RBMS3: variants seen among roughly 807,000 people sequenced by gnomAD.
The protein encoded by RBMS3 is RNA binding motif single stranded interacting protein 3, also known as RNA-binding motif, single-stranded-interacting protein 3.
A neutral mutation model predicts 66.8 loss-of-function variants in RBMS3; 27 were observed. The observed-to-expected ratio is 0.40, with a 90% confidence interval of 0.30 to 0.56. The LOEUF (loss-of-function observed/expected upper bound fraction) is 0.56. Ranked by LOEUF, RBMS3 falls within the 20% of genes least tolerant of loss-of-function variation. The pLI is 0.40. For missense variants in RBMS3, 513 were observed against 549.5 expected (o/e 0.93, Z 0.66); for synonymous variants, 188 against 183.0 (o/e 1.03, Z -0.22).
At position 29,383,636 on chromosome 3, in the gene RBMS3, C is replaced by T. The variant is rs115021749; in HGVS notation, c.76-51107C>T. 3.3e-3 allele frequency among the ~76,000 whole-genome samples: 507 copies of T among 152,276 alleles called. 1 individual carries two copies. Among genetic ancestry groups the T allele is most frequent in the Middle Eastern group, 0.02 (6 of 294 alleles). ...TGTAAAATATCCAGTTCCATACTAA[C>T]TTATGAACTCTTTTAGGTCATTCAT... On this transcript the variant is annotated intron_variant, in intron 1 of 14. Coordinates refer to ENST00000383767, the MANE Select transcript of RBMS3 (RefSeq NM_001003793.3).
chr3:29,536,732 G>T (rs886217774), intron 3 of RBMS3, among the ~76,000 whole-genome samples: 2 of 152,180 alleles, frequency 1.3e-5, no homozygotes, highest in African/African-American at 4.8e-5. Context: ...TAATTGTTTT[G>T]CTGTGATGCT....
At position 29,802,942 on chromosome 3, in the gene RBMS3, T is replaced by G. The variant is rs535339960; in HGVS notation, c.637+39953T>G. The stretch of plus-strand genomic sequence containing the variant: ...TGGTGAATACTAAAAACACAGACTC[T>G]TGATCGAGGTGAGGGAGTTGGAAGA... On this transcript the variant is annotated intron_variant, in intron 6 of 14. Coordinates refer to ENST00000383767, the MANE Select transcript of RBMS3 (RefSeq NM_001003793.3). Among the ~76,000 whole-genome samples the G allele has an allele frequency of 2.6e-5, 4 of 152,278 alleles. No individual in the cohort carries two copies. In the East Asian group the frequency reaches 5.8e-4, roughly 22 times the overall value.
intron 4 of RBMS3, among the ~76,000 whole-genome samples, chr3:29,704,253 C>T (rs1467946306): frequency 6.6e-6 from 1 of 152,200 alleles, no homozygotes; most frequent in East Asian, 1.9e-4. Flanking sequence ...CAAAACTGGT[C>T]CCTGGTGCCG....
chr3:29,489,029 G>A (rs1033349118), intron 3 of RBMS3, among the ~76,000 whole-genome samples: 3 of 152,118 alleles, frequency 2.0e-5, no homozygotes, highest in Non-Finnish European at 4.4e-5. Context: ...TGAAGTCATT[G>A]GACTATATCT....
chr3:29,747,393 GATA>G (rs1576684166), intron 5 of RBMS3, among the ~76,000 whole-genome samples: 494 of 8,642 alleles, frequency 0.057, 6 homozygotes, highest in Middle Eastern at 0.12. Flanking sequence ...TAGGTAGGTA[GATA>G]GATAGATAGA....
At chr3:29,853,133 G>C (rs2058978343) in intron 6 of RBMS3, among the ~76,000 whole-genome samples, 1 of 152,076 alleles carries the variant, frequency 6.6e-6, no homozygotes. Flanking sequence ...ACATAGAGAG[G>C]AACAACACAC....
At chr3:29,734,020 A>G (rs932496920) in intron 4 of RBMS3, among the ~76,000 whole-genome samples, 1 of 152,086 alleles carries the variant, frequency 6.6e-6, no homozygotes, top group African/African-American at 2.4e-5. Flanking sequence ...ATGTGTACAC[A>G]CACACCCACA....
At chr3:29,773,503 G>A (rs2056299891) in intron 6 of RBMS3, among the ~76,000 whole-genome samples, 2 of 152,000 alleles carry the variant, frequency 1.3e-5, no homozygotes, top group Non-Finnish European at 2.9e-5. Context: ...GACACATTTT[G>A]GACCAGAGGT....
intron 6 of RBMS3, among the ~76,000 whole-genome samples, chr3:29,771,114 G>T (rs1372197337): frequency 1.3e-5 from 2 of 152,012 alleles, no homozygotes; most frequent in African/African-American, 4.8e-5. Flanking sequence ...CTCTGAACTA[G>T]CCATTATGTG....
chr3:29,797,996 G>A (rs923621974), intron 6 of RBMS3, among the ~76,000 whole-genome samples: 1 of 151,812 alleles, frequency 6.6e-6, no homozygotes, highest in Non-Finnish European at 1.5e-5. Flanking sequence ...CAATATTGTT[G>A]TATCTCAGGA....
At position 29,896,029 on chromosome 3, in the gene RBMS3, G is replaced by A. The variant is rs548855842; in HGVS notation, c.792-1350G>A. 7.9e-5 allele frequency among the ~76,000 whole-genome samples: 12 copies of A among 151,464 alleles called. 1 individual carries two copies. In the South Asian group the frequency reaches 2.5e-3, roughly 31 times the overall value. ...TGAGTATGGATAGTAAGAATGTAATGTATGATGGGATAATTTTTTTCATCC... is the reference window on the plus strand; with the variant it reads ...TGAGTATGGATAGTAAGAATGTAATATATGATGGGATAATTTTTTTCATCC... On this transcript the variant is annotated intron_variant, in intron 8 of 14. Coordinates refer to ENST00000383767, the MANE Select transcript of RBMS3 (RefSeq NM_001003793.3).
chr3:29,691,947 C>CTCTCTCTCTCTTTTTTTTTTTTT lies in RBMS3; in HGVS notation c.400-47772_400-47771insCTCTCTCTCTTTTTTTTTTTTTT, dbSNP rs1218393454. Among the ~76,000 whole-genome samples the CTCTCTCTCTCTTTTTTTTTTTTT allele has an allele frequency of 3.4e-4, 18 of 53,510 alleles. 1 individual carries two copies. Among genetic ancestry groups the CTCTCTCTCTCTTTTTTTTTTTTT allele is most frequent in the South Asian group, 5.9e-4 (1 of 1,690 alleles). 35.1% of individuals were successfully genotyped at this position (53,510 alleles called of 152,430 possible). A position where few individuals can be genotyped will look rare whatever the true frequency, so the allele number is the denominator to read the frequency against. On this transcript the variant is annotated intron_variant, in intron 4 of 14. Coordinates refer to ENST00000383767, the MANE Select transcript of RBMS3 (RefSeq NM_001003793.3). ...GTGTGACCCTTCTCTCTCTCTCTCT[C>CTCTCTCTCTCTTTTTTTTTTTTT]TATTTTTTTTTTTTTTTTTTGAGAT...
intron 7 of RBMS3, among the ~76,000 whole-genome samples, chr3:29,869,924 G>A (rs894100423): frequency 6.6e-6 from 1 of 152,102 alleles, no homozygotes; most frequent in Non-Finnish European, 1.5e-5. Context: ...AAAGAAGAAA[G>A]GAAGCTGGAA....
At chr3:29,495,420 T>G (rs2043706913) in intron 3 of RBMS3, among the ~76,000 whole-genome samples, 1 of 144,670 alleles carries the variant, frequency 6.9e-6, no homozygotes, top group African/African-American at 2.5e-5. Context: ...TTTCTTTCTT[T>G]TTTTTTTTTT....
chr3:29,317,203 G>C (rs1165118049), intron 1 of RBMS3, among the ~76,000 whole-genome samples: 1 of 151,758 alleles, frequency 6.6e-6, no homozygotes. Context: ...GCTTTATGTG[G>C]GTTGTTAATT....
intron 6 of RBMS3, among the ~76,000 whole-genome samples, chr3:29,784,298 T>G (rs2056744018): frequency 6.6e-6 from 1 of 151,954 alleles, no homozygotes; most frequent in South Asian, 2.1e-4. Flanking sequence ...AAAGCAAGTC[T>G]CAATACATTT....
At chr3:29,849,040 G>A (rs903551776) in intron 6 of RBMS3, among the ~76,000 whole-genome samples, 1 of 152,024 alleles carries the variant, frequency 6.6e-6, no homozygotes, top group African/African-American at 2.4e-5. Context: ...TAGAGACCTT[G>A]ACATTTTTTT....
At chr3:29,316,425 A>C (rs2125479032) in intron 1 of RBMS3, among the ~76,000 whole-genome samples, 1 of 151,762 alleles carries the variant, frequency 6.6e-6, no homozygotes, top group South Asian at 2.1e-4. Flanking sequence ...TTCTATGAAA[A>C]ATTTTGTCAT....
chr3:29,863,158 GCACATTTGAAAATGTACTTGGA>G (rs1177310825), intron 6 of RBMS3, among the ~76,000 whole-genome samples: 4 of 150,760 alleles, frequency 2.7e-5, no homozygotes, highest in South Asian at 2.1e-4. Flanking sequence ...TTTTGAAATA[GCACATTTGAAAATGTACTTGGA>G]CACAGGAAGG....
Sources: allele counts gnomAD v4.1 joint callset (sites outside exome capture counted in the v4.1 genomes callset), GRCh38; gene constraint gnomAD v4.1.1; transcripts MANE v1.5; gene names NCBI Gene and HGNC (gene_info 2026-07-23, HGNC 2026-07-21).